The following TRIP13 variants were observed in gnomAD, a reference collection of about 807,000 sequenced individuals.
TRIP13 encodes pachytene checkpoint protein 2 homolog.
Under a neutral mutation model 54.4 loss-of-function variants are expected in TRIP13, and 25 were observed. The ratio of observed to expected loss-of-function variants is 0.46; its 90% confidence interval spans 0.33 to 0.64. TRIP13 has a LOEUF of 0.64. Ranked by LOEUF, TRIP13 falls within the 30% of genes least tolerant of loss-of-function variation. The probability of loss-of-function intolerance (pLI) is 0.02; values close to 1 mark genes in which losing one functional copy is unlikely to be tolerated. For missense variants in TRIP13, 373 were observed against 534.2 expected (o/e 0.70, Z 2.97); for synonymous variants, 207 against 207.8 (o/e 1.00, Z 0.03).
chr5:903,658 C>T (rs533795907), intron 5 of TRIP13, among the ~76,000 whole-genome samples: 4 of 152,116 alleles, frequency 2.6e-5, no homozygotes, highest in Non-Finnish European at 4.4e-5. Flanking sequence ...GGTATGAGCC[C>T]ACTGAGAATT....
intron 1 of TRIP13, 42 bp downstream of exon 1, chr5:893,132 G>T: frequency 7.9e-7 from 1 of 1,264,120 alleles, no homozygotes; most frequent in Non-Finnish European, 1.0e-6. Context: ...GCACCCACCC[G>T]CCCCGACCCC....
rs773305256 is a variant in TRIP13 at position 893,102 on chromosome 5, C to G, written c.92+12C>G. 8.9e-6 allele frequency: 14 copies of G among 1,579,962 alleles called. No homozygotes were observed. The highest frequency in any genetic ancestry group is 3.5e-5 in the Admixed American group (2 of 56,486). ...CAGCGCGGCAGCAGGTGAGCCGGACCTGTCCGACACATCCTCTGGGCACCC... is the reference window on the plus strand; with the variant it reads ...CAGCGCGGCAGCAGGTGAGCCGGACGTGTCCGACACATCCTCTGGGCACCC... On this transcript the variant is annotated intron_variant, in intron 1 of 12. Transcript: ENST00000166345.
At chr5:900,132 G>A (rs1425960499) in intron 3 of TRIP13, among the ~76,000 whole-genome samples, 1 of 152,192 alleles carries the variant, frequency 6.6e-6, no homozygotes, top group African/African-American at 2.4e-5. Flanking sequence ...CATATTGTGG[G>A]GATTATGTTA....
intron 2 of TRIP13, 42 bp from the exon 3 acceptor site, chr5:896,623 A>T: frequency 1.2e-5 from 19 of 1,583,332 alleles, no homozygotes; most frequent in Non-Finnish European, 1.6e-5. Flanking sequence ...GTTAAGTGAG[A>T]GTTGGAAATG....
chr5:901,352 T>C lies in TRIP13; in HGVS notation c.456T>C (p.Tyr152=), dbSNP rs1299240403. ...TTTTTCTCTATCAGCTCCTCGATTA[T>C]GTGATGACAACTTTACTGTTTTCAG... is the stretch of plus-strand genomic sequence containing the variant. ...DVEVKSHLLD[Y]VMTTLLFSDK... is the part of the protein sequence containing the mutation. The change falls in exon 5 of 13, where the codon TAT becomes TAC. Residue 152 remains tyrosine, a synonymous_variant. Coordinates refer to ENST00000166345, the MANE Select transcript of TRIP13 (RefSeq NM_004237.4). The C allele has an allele frequency of 6.2e-7, 1 of 1,614,164 alleles. No individual in the cohort carries two copies.
At chr5:914,411 C>G in intron 10 of TRIP13, 54 bp from the exon 11 acceptor site, 1 of 1,309,706 alleles carries the variant, frequency 7.6e-7, no homozygotes, top group East Asian at 2.3e-5. Flanking sequence ...CTGACGGTGC[C>G]TACGCTCAGG....
chr5:894,150 G>T (rs915938247), intron 1 of TRIP13, among the ~76,000 whole-genome samples: 2 of 152,178 alleles, frequency 1.3e-5, no homozygotes, highest in Admixed American at 6.5e-5. Flanking sequence ...GCTCTGAGGA[G>T]CCTGTCCAGG....
Position 916,031 on chromosome 5 carries a change from G to A in TRIP13, c.1203+58G>A, listed in dbSNP as rs923626256. On this transcript the variant is annotated intron_variant, in intron 12 of 12. Coordinates refer to ENST00000166345, the MANE Select transcript of TRIP13 (RefSeq NM_004237.4). ...CCTGTCCACAGGTCTCAGCCTCGCC[G>A]GAGATTCCGCTTAGTAGCCCTGGGG... The A allele has an allele frequency of 5.0e-5, 78 of 1,546,436 alleles. 1 individual carries two copies. The highest frequency in any genetic ancestry group is 3.9e-4 in the African/African-American group (29 of 73,526).
At position 917,618 on chromosome 5, in the gene TRIP13, T is replaced by G. The variant is rs1292013262; in HGVS notation, c.*515T>G. ...CAAAAATGTTTTCAAGACTATTTAA[T>G]GGATGTAAAAAAGCCTATTTCTACA... On this transcript the variant is annotated 3_prime_UTR_variant, in exon 13 of 13. Coordinates refer to ENST00000166345, the MANE Select transcript of TRIP13 (RefSeq NM_004237.4). 6.6e-6 allele frequency: 1 copy of G among 152,500 alleles called. No homozygotes were observed. Among genetic ancestry groups the G allele is most frequent in the African/African-American group, 2.4e-5 (1 of 41,440 alleles). The allele number at this position is 152,500 out of a possible 1,614,324, so 9.4% of individuals were successfully genotyped here. A position where few individuals can be genotyped will look rare whatever the true frequency, so the allele number is the denominator to read the frequency against.
intron 9 of TRIP13, among the ~76,000 whole-genome samples, chr5:910,682 C>G (rs547496072): frequency 2.0e-5 from 3 of 152,208 alleles, no homozygotes; most frequent in African/African-American, 7.2e-5. Context: ...CTGGTTCCAG[C>G]CCCTCTCTAG....
In TRIP13 at chr5:904,135, A is replaced by C. The variant is rs1264906530; in HGVS notation, c.536-13A>C. On this transcript the variant is annotated splice_polypyrimidine_tract_variant and intron_variant, in intron 5 of 12. Coordinates refer to ENST00000166345, the MANE Select transcript of TRIP13 (RefSeq NM_004237.4). ...CTGACTTAAAAATATATTTGCTTGGATCTTTGTCACAGGTCCTCCTGGCAC... is the reference window on the plus strand; with the variant it reads ...CTGACTTAAAAATATATTTGCTTGGCTCTTTGTCACAGGTCCTCCTGGCAC... The C allele has an allele frequency of 1.3e-6, 2 of 1,599,158 alleles. No individual in the cohort carries two copies. The highest frequency in any genetic ancestry group is 2.3e-5 in the South Asian group (2 of 86,884).
chr5:918,650 A>T (rs950889857), downstream of TRIP13, among the ~76,000 whole-genome samples: 7 of 152,308 alleles, frequency 4.6e-5, no homozygotes, highest in Non-Finnish European at 8.8e-5. This position sits in a 1 kb window ranked among gnomAD's most constrained non-coding sequence, Gnocchi z 4.3. Flanking sequence ...TTTATTAAGT[A>T]TTAACTCACA....
At chr5:916,029 C>G in intron 12 of TRIP13, 56 bp downstream of exon 12, 6 of 1,546,672 alleles carry the variant, frequency 3.9e-6, no homozygotes, top group Non-Finnish European at 4.5e-6. Context: ...CTCAGCCTCG[C>G]CGGAGATTCC....
rs763638632 is a variant in TRIP13, at chr5:915,057, C to T, written c.1133+480C>T. ...GGAGGCTGGGGAGGTGCCGGAGAGGCGGGGGGTGGAATGGACAGAGCCTCG... is the reference window on the plus strand; with the variant it reads ...GGAGGCTGGGGAGGTGCCGGAGAGGTGGGGGGTGGAATGGACAGAGCCTCG... On this transcript the variant is annotated intron_variant, in intron 11 of 12. Coordinates refer to ENST00000166345, the MANE Select transcript of TRIP13 (RefSeq NM_004237.4). The surrounding 1 kb of genome is among the most constrained non-coding windows in gnomAD (Gnocchi z 4.2). 1.3e-5 allele frequency among the ~76,000 whole-genome samples: 2 copies of T among 151,800 alleles called. No homozygotes were observed. Among genetic ancestry groups the T allele is most frequent in the African/African-American group, 4.8e-5 (2 of 41,284 alleles).
At chr5:901,459 A>G (rs1236501377) in intron 5 of TRIP13, 28 bp downstream of exon 5, 1 of 1,605,822 alleles carries the variant, frequency 6.2e-7, no homozygotes, top group East Asian at 2.2e-5. Flanking sequence ...TTATTTGACC[A>G]GATAAGTGGC....
At position 901,334 on chromosome 5, in the gene TRIP13, C is replaced by T. The variant is rs1283323917; in HGVS notation, c.445-7C>T. 1.2e-6 allele frequency: 2 copies of T among 1,612,612 alleles called. No individual in the cohort carries two copies. Among genetic ancestry groups the T allele is most frequent in the Non-Finnish European group, 8.5e-7 (1 of 1,179,560 alleles). ...CTTTGTCAAGCTCTTTTCTTTTTCTCTATCAGCTCCTCGATTATGTGATGA... is the reference window on the plus strand; with the variant it reads ...CTTTGTCAAGCTCTTTTCTTTTTCTTTATCAGCTCCTCGATTATGTGATGA... On this transcript the variant is annotated splice_region_variant and splice_polypyrimidine_tract_variant and intron_variant, in intron 4 of 12. Transcript: ENST00000166345.
At chr5:914,743 A>ATGTGTG (rs1754309701) in intron 11 of TRIP13, among the ~76,000 whole-genome samples, 166 bp downstream of exon 11, 1 of 147,564 alleles carries the variant, frequency 6.8e-6, no homozygotes, top group African/African-American at 2.6e-5. Flanking sequence ...GTGTGTGTGC[A>ATGTGTG]TGTGAGTAGA....
chr5:905,867 G>A (rs978520419), intron 6 of TRIP13, among the ~76,000 whole-genome samples: 59 of 152,300 alleles, frequency 3.9e-4, no homozygotes, highest in Middle Eastern at 3.4e-3. Flanking sequence ...CTTAGCTTAT[G>A]TTTAGCAACT....
intron 5 of TRIP13, among the ~76,000 whole-genome samples, chr5:901,869 C>T (rs996676907): frequency 2.6e-5 from 4 of 152,168 alleles, no homozygotes; most frequent in African/African-American, 4.8e-5. Context: ...GTGATCCGCC[C>T]GCCTCAGCCT....
Sources: allele counts gnomAD v4.1 joint callset (sites outside exome capture counted in the v4.1 genomes callset), GRCh38; gene constraint gnomAD v4.1.1; non-coding constraint Gnocchi (gnomAD v3.1); transcripts MANE v1.5; gene names NCBI Gene and HGNC (gene_info 2026-07-23, HGNC 2026-07-21).